The following ACTR3 variants were observed in gnomAD, a reference collection of about 807,000 sequenced individuals.
ACTR3 encodes actin-related protein 3.
A neutral mutation model predicts 56.8 loss-of-function variants in ACTR3; 12 were observed. The ratio of observed to expected loss-of-function variants is 0.21; its 90% CI spans 0.14 to 0.34. The LOEUF is 0.34. Ranked by LOEUF, ACTR3 falls within the 10% of genes least tolerant of loss-of-function variation. The pLI, the probability that ACTR3 is intolerant of heterozygous loss-of-function variation, is 1.00. For synonymous variants in ACTR3, 162 were observed against 167.4 expected, an observed-to-expected ratio of 0.97 and a Z score of 0.25; for missense variants, 282 against 512.5, an observed-to-expected ratio of 0.55 and a Z score of 4.34.
chr2:113,928,209 G>A (rs972504329), intron 4 of ACTR3, among the ~76,000 whole-genome samples: 2 of 151,874 alleles, frequency 1.3e-5, no homozygotes, highest in African/African-American at 4.8e-5. Flanking sequence ...TGTGTCTTTC[G>A]GTGATTGTGA....
intron 1 of ACTR3, among the ~76,000 whole-genome samples, chr2:113,894,387 C>T (rs181874639): frequency 7.9e-5 from 12 of 152,282 alleles, no homozygotes; most frequent in South Asian, 4.2e-4. Context: ...GCCACTGCAC[C>T]GGCTTAATAA....
At chr2:113,911,036 T>C (rs777600365) in intron 1 of ACTR3, among the ~76,000 whole-genome samples, 3 of 152,202 alleles carry the variant, frequency 2.0e-5, no homozygotes, top group African/African-American at 7.2e-5. Flanking sequence ...GTTTTTATTT[T>C]GGTATAGTAG....
In ACTR3 at chr2:113,959,864, T is replaced by C. The variant is rs1198705840; in HGVS notation, c.*2409T>C. Reference sequence around the variant, plus strand: ...ATTCTGATTCTGATAATTGATGATATAGCTCCTCGAACTTTGTTTTTTGTT... The same window carrying C: ...ATTCTGATTCTGATAATTGATGATACAGCTCCTCGAACTTTGTTTTTTGTT... On this transcript the variant is annotated 3_prime_UTR_variant, in exon 12 of 12. Coordinates refer to ENST00000263238, the MANE Select transcript of ACTR3 (RefSeq NM_005721.5). 2.0e-5 allele frequency: 3 copies of C among 152,084 alleles called. No individual in the cohort carries two copies. Among genetic ancestry groups the C allele is most frequent in the Admixed American group, 6.6e-5 (1 of 15,254 alleles). The allele number at this position is 152,084 out of a possible 1,614,324, so 9.4% of individuals were successfully genotyped here.
chr2:113,930,914 C>T (rs1285190422), intron 4 of ACTR3, among the ~76,000 whole-genome samples: 2 of 152,110 alleles, frequency 1.3e-5, no homozygotes, highest in Non-Finnish European at 2.9e-5. Context: ...GAGGGCTCTC[C>T]CACTGGCAAA....
chr2:113,891,057 C>G (rs1004970973), intron 1 of ACTR3, among the ~76,000 whole-genome samples: 1 of 152,196 alleles, frequency 6.6e-6, no homozygotes, highest in African/African-American at 2.4e-5. Flanking sequence ...TTTGTCAAAG[C>G]CGCTTCCTGC....
rs2020461075 is a variant in ACTR3 at position 113,960,620 on chromosome 2, C to T, written c.*3165C>T. ...ACCATAGTAAAGGATGTTTTTGTTC[C>T]TCTTCATTCTGGGCTAATCTGTCAA... is the stretch of plus-strand genomic sequence containing the variant. On this transcript the variant is annotated 3_prime_UTR_variant, in exon 12 of 12. Transcript: ENST00000263238. 1 of 151,842 alleles carries T rather than the reference C, an allele frequency of 6.6e-6. No homozygotes were observed. Among genetic ancestry groups the T allele is most frequent in the South Asian group, 2.1e-4 (1 of 4,824 alleles). 9.4% of individuals were successfully genotyped at this position (151,842 alleles called of 1,614,324 possible). A position where few individuals can be genotyped will look rare whatever the true frequency, so the allele number is the denominator to read the frequency against.
At chr2:113,902,499 C>T (rs1334724007) in intron 1 of ACTR3, among the ~76,000 whole-genome samples, 1 of 152,000 alleles carries the variant, frequency 6.6e-6, no homozygotes, top group African/African-American at 2.4e-5. Context: ...CTTTCGCAGC[C>T]AAAATCAGCA....
intron 3 of ACTR3, among the ~76,000 whole-genome samples, chr2:113,922,264 A>G (rs909131387): frequency 6.6e-6 from 1 of 152,214 alleles, no homozygotes. Context: ...TGAAAGAACT[A>G]TTAGAGATTA....
chr2:113,923,764 G>T (rs1388950382), intron 3 of ACTR3, among the ~76,000 whole-genome samples: 1 of 150,820 alleles, frequency 6.6e-6, no homozygotes, highest in Non-Finnish European at 1.5e-5. Flanking sequence ...CATAAAATGG[G>T]GTGACTCAAT....
intron 1 of ACTR3, among the ~76,000 whole-genome samples, chr2:113,906,329 T>C (rs915746315): frequency 6.6e-6 from 1 of 152,196 alleles, no homozygotes; most frequent in African/African-American, 2.4e-5. Flanking sequence ...GATTTTTCAG[T>C]TGGGCTTTTT....
At position 113,940,001 on chromosome 2, in the gene ACTR3, A is replaced by G. The variant is rs748440781; in HGVS notation, c.583A>G (p.Ile195Val). 4.3e-6 allele frequency: 7 copies of G among 1,613,230 alleles called. No individual in the cohort carries two copies. Among genetic ancestry groups the G allele is most frequent in the Non-Finnish European group, 5.1e-6 (6 of 1,179,466 alleles). ...TGGCAGCTGTATTAAACACATTCCA[A>G]TCGCAGGACGAGATATAACATATTT... ...VIGSCIKHIP[I>V]AGRDITYFIQ... is the part of the protein sequence containing the mutation. Residue 195 changes from isoleucine (I) to valine (V), a missense_variant, in exon 7 of 12, where the codon ATC becomes GTC. By Grantham distance (29) the Ile-to-Val change is conservative. Transcript: ENST00000263238.
At chr2:113,949,977 T>A (rs184202878) in intron 8 of ACTR3, among the ~76,000 whole-genome samples, 106 of 152,354 alleles carry the variant, frequency 7.0e-4, no homozygotes, top group African/African-American at 2.4e-3. Flanking sequence ...ATCGTTTGAA[T>A]ATATAGCTGA....
chr2:113,939,891 A>G, intron 6 of ACTR3, 68 bp from the exon 7 acceptor site: 1 of 1,445,466 alleles, frequency 6.9e-7, no homozygotes, highest in Non-Finnish European at 9.5e-7. Flanking sequence ...TTATTGGTTC[A>G]TATTTTTGGG....
intron 3 of ACTR3, among the ~76,000 whole-genome samples, chr2:113,925,151 C>T (rs1679593330): frequency 6.7e-6 from 1 of 150,182 alleles, no homozygotes; most frequent in African/African-American, 2.5e-5. Context: ...CCCACCTCAA[C>T]CTCCCAAAGT....
chr2:113,923,416 C>T (rs1238274002), intron 3 of ACTR3, among the ~76,000 whole-genome samples: 1 of 152,082 alleles, frequency 6.6e-6, no homozygotes, highest in Non-Finnish European at 1.5e-5. Context: ...CAGCTCACTG[C>T]AGCCTCGACT....
chr2:113,917,904 G>A (rs1679436737), intron 3 of ACTR3, among the ~76,000 whole-genome samples: 2 of 152,190 alleles, frequency 1.3e-5, no homozygotes, highest in Non-Finnish European at 2.9e-5. Flanking sequence ...CTAACCTAGT[G>A]TGGGGAATCA....
intron 3 of ACTR3, among the ~76,000 whole-genome samples, chr2:113,926,383 G>A (rs533579048): frequency 2.2e-4 from 34 of 152,152 alleles, no homozygotes; most frequent in Non-Finnish European, 3.1e-4. Context: ...ATAACTTTGC[G>A]GCGCCCTTGT....
chr2:113,945,220 A>C (rs1034714751), intron 8 of ACTR3, among the ~76,000 whole-genome samples: 29 of 152,190 alleles, frequency 1.9e-4, no homozygotes, highest in African/African-American at 5.5e-4. Flanking sequence ...GAGGATGTAT[A>C]CACACAATTT....
chr2:113,895,390 G>A (rs1015728898), intron 1 of ACTR3, among the ~76,000 whole-genome samples: 5 of 152,084 alleles, frequency 3.3e-5, no homozygotes, highest in Non-Finnish European at 7.4e-5. Context: ...GAAGATGAAC[G>A]TTTGACATGG....
Sources: gnomAD v4.1 joint callset for allele counts (sites outside exome capture counted in the v4.1 genomes callset) on GRCh38, gnomAD v4.1.1 for gene constraint, MANE v1.5 for transcripts, NCBI Gene and HGNC (gene_info 2026-07-23, HGNC 2026-07-21) for gene names.